SEZ6L: variants seen among roughly 807,000 people sequenced by gnomAD.
The protein encoded by SEZ6L is seizure related 6 homolog like.
In SEZ6L, 37 loss-of-function variants were observed where a neutral mutation model predicts 106.2. The ratio of observed to expected loss-of-function variants is 0.35; its 90% CI spans 0.27 to 0.46. SEZ6L has a LOEUF of 0.46. SEZ6L is among the 20% of genes least tolerant of loss of function. The probability of loss-of-function intolerance (pLI) is 1.00; values close to 1 mark genes in which losing one functional copy is unlikely to be tolerated. For synonymous variants in SEZ6L, 541 were observed against 570.4 expected, an observed-to-expected ratio of 0.95 and a Z score of 0.73; for missense variants, 1,172 against 1,332.8, an observed-to-expected ratio of 0.88 and a Z score of 1.88.
intron 12 of SEZ6L, among the ~76,000 whole-genome samples, chr22:26,359,176 C>G (rs2083533118): frequency 6.6e-6 from 1 of 152,188 alleles, no homozygotes; most frequent in Non-Finnish European, 1.5e-5. Flanking sequence ...CAAATGCCTT[C>G]CAAGAGCTGG....
At chr22:26,177,217 A>G (rs1939073969) in intron 1 of SEZ6L, among the ~76,000 whole-genome samples, 1 of 152,210 alleles carries the variant, frequency 6.6e-6, no homozygotes. Context: ...GGGAATAATA[A>G]TAGTGTCCAA....
At chr22:26,228,842 C>T (rs1452475523) in intron 1 of SEZ6L, among the ~76,000 whole-genome samples, 1 of 152,182 alleles carries the variant, frequency 6.6e-6, no homozygotes, top group East Asian at 1.9e-4. Context: ...CATCTGGCCT[C>T]TTTGTTACTG....
chr22:26,303,974 C>T (rs2081532027), intron 5 of SEZ6L, among the ~76,000 whole-genome samples: 1 of 152,078 alleles, frequency 6.6e-6, no homozygotes, highest in South Asian at 2.1e-4. Context: ...TCAATCGTGG[C>T]CCTGGGCTAT....
intron 9 of SEZ6L, among the ~76,000 whole-genome samples, chr22:26,324,778 T>C (rs1408317401): frequency 1.3e-5 from 2 of 152,212 alleles, no homozygotes; most frequent in East Asian, 3.8e-4. Flanking sequence ...TTCCATTATG[T>C]TGCAAATGAG....
intron 9 of SEZ6L, among the ~76,000 whole-genome samples, chr22:26,333,905 T>C (rs2082565588): frequency 6.6e-6 from 1 of 151,964 alleles, no homozygotes; most frequent in Non-Finnish European, 1.5e-5. Context: ...ATGTGAAAAG[T>C]CCCAGAGGTC....
rs1002196889 is a variant in SEZ6L, at chr22:26,231,955, A to G, written c.95-60451A>G. Among the ~76,000 whole-genome samples the G allele has an allele frequency of 3.9e-5, 6 of 152,220 alleles. 1 individual carries two copies. Among genetic ancestry groups the G allele is most frequent in the Middle Eastern group, 6.8e-3 (2 of 294 alleles). ...CATGAGGGACATGCAAGTGGAGGGG[A>G]AGGCTACCTGCCCTGGGGTCCCCAC... On this transcript the variant is annotated intron_variant, in intron 1 of 16. Transcript: ENST00000248933.
intron 1 of SEZ6L, among the ~76,000 whole-genome samples, chr22:26,281,298 C>A (rs902009212): frequency 1.3e-5 from 2 of 152,148 alleles, no homozygotes; most frequent in Non-Finnish European, 2.9e-5. Flanking sequence ...TAGATAGTCC[C>A]CACCAGGAGG....
At chr22:26,299,382 G>A (rs1489921181) in intron 5 of SEZ6L, among the ~76,000 whole-genome samples, 2 of 152,122 alleles carry the variant, frequency 1.3e-5, no homozygotes, top group East Asian at 1.9e-4. Context: ...GTATGTTCAC[G>A]CTATTGTGCA....
At chr22:26,230,296 G>A (rs1485302876) in intron 1 of SEZ6L, among the ~76,000 whole-genome samples, 1 of 150,558 alleles carries the variant, frequency 6.6e-6, no homozygotes, top group Admixed American at 6.7e-5. Context: ...AACCATTTGA[G>A]AGTTACTCCT....
At chr22:26,351,345 C>T in intron 12 of SEZ6L, 102 bp downstream of exon 12, 6 of 986,050 alleles carry the variant, frequency 6.1e-6, no homozygotes, top group South Asian at 1.6e-5. Context: ...TTCTGCTTTT[C>T]GACAGGGGCT....
At chr22:26,310,902 A>G (rs1164539847) in intron 7 of SEZ6L, 66 bp downstream of exon 7, 4 of 1,508,264 alleles carry the variant, frequency 2.7e-6, no homozygotes, top group East Asian at 4.5e-5. Flanking sequence ...CAGGGAAAGC[A>G]TGGGGAGATA....
At chr22:26,195,651 A>C (rs1338315939) in intron 1 of SEZ6L, among the ~76,000 whole-genome samples, 1 of 152,182 alleles carries the variant, frequency 6.6e-6, no homozygotes, top group Non-Finnish European at 1.5e-5. Context: ...ACAGTGACAA[A>C]ATGGATGTGG....
intron 9 of SEZ6L, among the ~76,000 whole-genome samples, chr22:26,318,595 A>G (rs184394475): frequency 6.6e-6 from 1 of 152,066 alleles, no homozygotes; most frequent in African/African-American, 2.4e-5. Flanking sequence ...CATATAAGTT[A>G]AAAATAAATT....
At chr22:26,238,113 A>C (rs2079005437) in intron 1 of SEZ6L, among the ~76,000 whole-genome samples, 1 of 152,198 alleles carries the variant, frequency 6.6e-6, no homozygotes, top group Non-Finnish European at 1.5e-5. Flanking sequence ...GATTTGAGCA[A>C]ATCATGTCCC....
chr22:26,313,388 A>G (rs2081900013), intron 8 of SEZ6L, among the ~76,000 whole-genome samples: 1 of 152,084 alleles, frequency 6.6e-6, no homozygotes. Flanking sequence ...CCCCGGGACC[A>G]CCTAACTTGA....
In SEZ6L at chr22:26,377,949, T is replaced by G. The variant is rs1172056587; in HGVS notation, c.3045+174T>G. On this transcript the variant is annotated intron_variant, in intron 16 of 16. Transcript: ENST00000248933. ...AATGCTGGGAGAACCCAGCTCTCTT[T>G]GCAGGTGATTGGTGCTGAGGACGAG... Among the ~76,000 whole-genome samples, 3 of 152,092 alleles carry G rather than the reference T, an allele frequency of 2.0e-5. No individual in the cohort carries two copies. In the East Asian group the frequency reaches 5.8e-4, roughly 30 times the overall value.
intron 1 of SEZ6L, among the ~76,000 whole-genome samples, chr22:26,179,566 T>C (rs978852850): frequency 1.3e-5 from 2 of 152,204 alleles, no homozygotes; most frequent in Non-Finnish European, 2.9e-5. Context: ...TCCAGTTGCT[T>C]ATAAGCTACC....
chr22:26,175,727 A>T (rs1175730661), intron 1 of SEZ6L, among the ~76,000 whole-genome samples: 2 of 152,126 alleles, frequency 1.3e-5, no homozygotes, highest in East Asian at 1.9e-4. Flanking sequence ...AGGTCACCCA[A>T]CCATTAATGG....
intron 1 of SEZ6L, among the ~76,000 whole-genome samples, chr22:26,246,313 A>G (rs1054693820): frequency 2.0e-5 from 3 of 152,190 alleles, no homozygotes; most frequent in East Asian, 1.9e-4. Flanking sequence ...TTTAGTCCAC[A>G]TCGTATTACT....
Sources: allele counts gnomAD v4.1 joint callset (sites outside exome capture counted in the v4.1 genomes callset), GRCh38; gene constraint gnomAD v4.1.1; transcripts MANE v1.5; gene names NCBI Gene and HGNC (gene_info 2026-07-23, HGNC 2026-07-21).